Variants in PMS2 observed in about 807,000 individuals in gnomAD.
PMS2 encodes mismatch repair endonuclease PMS2.
PMS2 carries 69 observed loss-of-function variants against 90.0 expected under a neutral mutation model. That is an observed-to-expected ratio of 0.77 (90% CI 0.63 to 0.94). The LOEUF is 0.94. Ranked by LOEUF, PMS2 falls within the 40% of genes least tolerant of loss-of-function variation. PMS2 has a pLI of 0.00. For synonymous variants in PMS2, 332 were observed against 375.1 expected (o/e 0.89, Z 1.33); for missense variants, 966 against 1,040.2 (o/e 0.93, Z 0.98).
In PMS2 at chr7:5,987,321, T is replaced by C. The variant is rs786203510; in HGVS notation, c.1444A>G (p.Ser482Gly). 29 of 1,614,000 alleles carry C rather than the reference T, an allele frequency of 1.8e-5. No homozygotes were observed. The highest frequency in any genetic ancestry group is 2.0e-5 in the Non-Finnish European group (24 of 1,179,988). The change falls in exon 11 of 15, where the codon AGT (serine) becomes GGT (glycine). Residue 482 changes from serine to glycine, a missense_variant. Physicochemically the swap from Ser to Gly is moderately conservative, Grantham distance 56 (BLOSUM62 0). Transcript: ENST00000265849. ...KEAVSSSHGPSDPTDRAEVEK... is the reference protein window; with the variant it reads ...KEAVSSSHGPGDPTDRAEVEK... ...ACCTCCGCTCTGTCCGTAGGGTCAC[T>C]GGGTCCGTGACTGGAACTCACTGCC... is the stretch of plus-strand genomic sequence containing the variant.
rs1450081432 is a variant in PMS2, at chr7:5,987,230, C to T, written c.1535G>A (p.Gly512Asp). The T allele has an allele frequency of 6.2e-7, 1 of 1,614,086 alleles. No homozygotes were observed. Among genetic ancestry groups the T allele is most frequent in the Admixed American group, 1.7e-5 (1 of 60,000 alleles). ...DSEGFSIPDT[G>D]SHCSSEYAAS... ...CGCATACTCGCTGCTGCAGTGACTG[C>T]CCGTGTCTGGGATGCTGAACCCCTC... Residue 512 changes from glycine to aspartate, a missense_variant, in exon 11 of 15, where the codon GGC becomes GAC. Transcript: ENST00000265849.
intron 8 of PMS2, among the ~76,000 whole-genome samples, chr7:5,992,408 C>T (rs1783870374): frequency 1.3e-5 from 2 of 151,868 alleles, no homozygotes; most frequent in Non-Finnish European, 2.9e-5. Context: ...CAACCTCTGC[C>T]TCCGGGGCTC....
At chr7:5,990,109 G>C (rs1783575203) in intron 9 of PMS2, among the ~76,000 whole-genome samples, 154 bp from the exon 10 acceptor site, 1 of 152,216 alleles carries the variant, frequency 6.6e-6, no homozygotes, top group Non-Finnish European at 1.5e-5. Context: ...CTGGGTTCAA[G>C]TGATTCTCCC....
At chr7:5,999,034 A>C (rs1784773212) in intron 6 of PMS2, 74 bp downstream of exon 6, 2 of 1,390,268 alleles carry the variant, frequency 1.4e-6, no homozygotes, top group African/African-American at 1.4e-5. Context: ...TCTCCATTCT[A>C]CTGGAAGGGA....
intron 11 of PMS2, among the ~76,000 whole-genome samples, 168 bp downstream of exon 11, chr7:5,986,591 C>CTGA (rs111269230): frequency 0.16 from 23,982 of 151,798 alleles, 2,032 homozygotes; most frequent in South Asian, 0.22. Context: ...ACTCAGGAGG[C>CTGA]TGAGGCAGGA....
At chr7:5,999,304 T>C (rs1784840117) in intron 5 of PMS2, 29 bp from the exon 6 acceptor site, 2 of 1,583,942 alleles carry the variant, frequency 1.3e-6, no homozygotes, top group Admixed American at 1.7e-5. Flanking sequence ...CACAATATTC[T>C]ACATTACTTT....
rs786203439 is a variant in PMS2 at position 5,987,133 on chromosome 7, G to T, written c.1632C>A (p.Asp544Glu). 2.5e-6 allele frequency: 4 copies of T among 1,614,026 alleles called. No homozygotes were observed. The highest frequency in any genetic ancestry group is 3.4e-6 in the Non-Finnish European group (4 of 1,179,954). Residue 544 changes from aspartate (D) to glutamate (E), a missense_variant, in exon 11 of 15, where the codon GAC (aspartate) becomes GAA (glutamate). Transcript: ENST00000265849. ...DSQEKAPKTDDSFSDVDCHSN... is the reference protein window; with the variant it reads ...DSQEKAPKTDESFSDVDCHSN... ...AATGGCAGTCCACATCTGAAAAAGA[G>T]TCGTCAGTTTTAGGCGCTTTCTCCT... is the stretch of plus-strand genomic sequence containing the variant.
At position 5,987,632 on chromosome 7, in the gene PMS2, T is replaced by A. The variant is rs1562637295; in HGVS notation, c.1145-12A>T. On this transcript the variant is annotated splice_polypyrimidine_tract_variant and intron_variant, in intron 10 of 14. Coordinates refer to ENST00000265849, the MANE Select transcript of PMS2 (RefSeq NM_000535.7). ...TTTTATTAAGTTACCTAAGCAAACG[T>A]GGACGGAGAAGAGGGTCAGGGACTA... The A allele has an allele frequency of 6.4e-7, 1 of 1,559,078 alleles. No individual in the cohort carries two copies. The highest frequency in any genetic ancestry group is 8.8e-7 in the Non-Finnish European group (1 of 1,136,752).
intron 10 of PMS2, among the ~76,000 whole-genome samples, chr7:5,989,479 ACTT>A (rs1248639762): frequency 2.6e-5 from 4 of 152,178 alleles, no homozygotes; most frequent in Middle Eastern, 3.4e-3. Flanking sequence ...GTCACTGCAG[ACTT>A]CTTCTAATCA....
chr7:6,005,623 C>T (rs1368042921), intron 2 of PMS2, among the ~76,000 whole-genome samples: 1 of 152,202 alleles, frequency 6.6e-6, no homozygotes, highest in Non-Finnish European at 1.5e-5. Context: ...AGGCGTGAGA[C>T]ACCACGCCCA....
chr7:5,990,425 GC>G (rs1783613339), intron 9 of PMS2, among the ~76,000 whole-genome samples: 1 of 152,166 alleles, frequency 6.6e-6, no homozygotes, highest in Admixed American at 6.5e-5. Flanking sequence ...TATGAAATCA[GC>G]TTTTTCAAAT....
intron 12 of PMS2, among the ~76,000 whole-genome samples, chr7:5,979,021 A>C (rs12674344): frequency 0.19 from 26,736 of 141,932 alleles, 846 homozygotes; most frequent in South Asian, 0.29. Flanking sequence ...ACAGCGAAAC[A>C]CTCTCTCTAC....
rs1364072015 is a variant in PMS2 at position 5,972,650 on chromosome 7, C to T, written c.*749G>A. ...TCTTCCAGCCGGGCAGAGAATCCCC[C>T]GTGTTTAAAAATTTAATGTGAATCA... On this transcript the variant is annotated 3_prime_UTR_variant, in exon 15 of 15. Coordinates refer to ENST00000265849, the MANE Select transcript of PMS2 (RefSeq NM_000535.7). 1.3e-5 allele frequency among the ~76,000 whole-genome samples: 1 copy of T among 78,534 alleles called. No individual in the cohort carries two copies. The highest frequency in any genetic ancestry group is 6.3e-5 in the African/African-American group (1 of 15,804). 51.5% of individuals were successfully genotyped at this position (78,534 alleles called of 152,430 possible). A position where few individuals can be genotyped will look rare whatever the true frequency, so the allele number is the denominator to read the frequency against.
chr7:6,007,142 GTC>G (rs1785873979), intron 1 of PMS2, among the ~76,000 whole-genome samples: 1 of 151,346 alleles, frequency 6.6e-6, no homozygotes, highest in South Asian at 2.1e-4. Context: ...TTGAGACAGA[GTC>G]TCACCCCGTT....
At chr7:5,997,699 C>G (rs1481795050) in intron 6 of PMS2, among the ~76,000 whole-genome samples, 10 of 152,104 alleles carry the variant, frequency 6.6e-5, no homozygotes, top group Admixed American at 6.6e-4. Context: ...CAGGTGCACA[C>G]CACCACACCT....
At chr7:5,997,658 C>A (rs946519274) in intron 6 of PMS2, among the ~76,000 whole-genome samples, 2 of 152,142 alleles carry the variant, frequency 1.3e-5, no homozygotes, top group African/African-American at 4.8e-5. Flanking sequence ...AATCCTCCTG[C>A]GTCAGCCTGT....
intron 12 of PMS2, among the ~76,000 whole-genome samples, chr7:5,981,709 T>A (rs558759650): frequency 4.0e-5 from 6 of 151,640 alleles, no homozygotes; most frequent in Non-Finnish European, 5.9e-5. Context: ...TGATCAACAT[T>A]TTTAATAGCG....
chr7:5,979,593 T>A (rs2692544), intron 12 of PMS2, among the ~76,000 whole-genome samples: 137,359 of 146,436 alleles, frequency 0.94, 64,721 homozygotes, highest in East Asian at 1. Context: ...AACAGACAGC[T>A]TTTATTTTGC....
At chr7:5,994,476 TTAAAAATATTG>T (rs1161411069) in intron 8 of PMS2, among the ~76,000 whole-genome samples, 1 of 151,314 alleles carries the variant, frequency 6.6e-6, no homozygotes, top group African/African-American at 2.4e-5. Context: ...AACCCATAAG[TTAAAAATATTG>T]TATCTGCTGG....
Sources: gnomAD v4.1 joint callset for allele counts (sites outside exome capture counted in the v4.1 genomes callset) on GRCh38, gnomAD v4.1.1 for gene constraint, MANE v1.5 for transcripts, NCBI Gene and HGNC (gene_info 2026-07-23, HGNC 2026-07-21) for gene names.